CFAP99: variants seen among roughly 807,000 people sequenced by gnomAD.
CFAP99 encodes the protein cilia- and flagella-associated protein 99.
A neutral mutation model predicts 82.7 loss-of-function variants in CFAP99; 84 were observed. The ratio of observed to expected loss-of-function variants is 1.02; its 90% CI spans 0.85 to 1.22. The LOEUF is 1.22. CFAP99 is among the 50% of genes most tolerant of loss of function. CFAP99 has a pLI of 0.00. For missense variants in CFAP99, 1,059 were observed against 983.5 expected (o/e 1.08, Z -1.03); for synonymous variants, 456 against 429.5 (o/e 1.06, Z -0.76).
chr4:2,439,037 G>A (rs947241160), intron 4 of CFAP99, among the ~76,000 whole-genome samples: 4 of 152,190 alleles, frequency 2.6e-5, no homozygotes, highest in African/African-American at 4.8e-5. Flanking sequence ...GGCCACTTGC[G>A]TGGGAAGCTG....
intron 13 of CFAP99, among the ~76,000 whole-genome samples, chr4:2,459,493 G>A (rs1039153861): frequency 1.3e-5 from 2 of 152,238 alleles, no homozygotes; most frequent in South Asian, 2.1e-4. Context: ...TAACTCCTGG[G>A]GGTGGCCAAG....
At chr4:2,449,719 C>G in exon 7 of CFAP99, 1 of 1,536,104 alleles carries the variant, frequency 6.5e-7, no homozygotes, top group Non-Finnish European at 8.7e-7. Flanking sequence ...CAGCTGGAGA[C>G]AGTCAAGAGG....
intron 6 of CFAP99, among the ~76,000 whole-genome samples, chr4:2,445,830 G>T (rs183660659): frequency 5.9e-5 from 9 of 152,290 alleles, no homozygotes; most frequent in Admixed American, 5.2e-4. Context: ...AGTGAAGTAG[G>T]ATAGGCTTCA....
intron 11 of CFAP99, among the ~76,000 whole-genome samples, chr4:2,458,254 C>T (rs757432365): frequency 1.3e-4 from 20 of 152,188 alleles, no homozygotes; most frequent in African/African-American, 3.4e-4. Flanking sequence ...TTCTACACAA[C>T]GTATTACCAA....
chr4:2,458,668 A>G (rs1578483651), intron 11 of CFAP99, 55 bp from the exon 12 acceptor site: 2 of 1,501,322 alleles, frequency 1.3e-6, no homozygotes, highest in Non-Finnish European at 1.8e-6. Context: ...GGGCGGGACC[A>G]GGCAGGGAAG....
intron 1 of CFAP99, among the ~76,000 whole-genome samples, chr4:2,419,314 C>CA (rs1733483956): frequency 6.6e-6 from 1 of 152,112 alleles, no homozygotes; most frequent in Non-Finnish European, 1.5e-5. Context: ...CTACTCCCCC[C>CA]AGTGGTGCCC....
intron 3 of CFAP99, 103 bp downstream of exon 3, chr4:2,437,121 C>T: frequency 4.4e-6 from 6 of 1,377,960 alleles, no homozygotes; most frequent in African/African-American, 1.4e-5. Context: ...GGGGCCAGCT[C>T]CTCCTTCCTG....
rs1734592270 is a variant in CFAP99, at chr4:2,460,320, G to A, written c.1661+78G>A. The A allele has an allele frequency of 6.0e-6, 8 of 1,335,448 alleles. No individual in the cohort carries two copies. In the South Asian group the frequency reaches 6.4e-5, roughly 11 times the overall value. 82.7% of individuals were successfully genotyped at this position (1,335,448 alleles called of 1,614,324 possible). On this transcript the variant is annotated intron_variant, in intron 14 of 14. Coordinates refer to ENST00000635017, the Ensembl canonical transcript of CFAP99. Reference sequence around the variant, plus strand: ...AAGCCTGCCTTGCACCCTCCTGGGTGGGTCTCCTAGAAACAACCACCACCC... The same window carrying A: ...AAGCCTGCCTTGCACCCTCCTGGGTAGGTCTCCTAGAAACAACCACCACCC...
chr4:2,451,327 C>G, exon 10 of CFAP99: 1 of 1,535,852 alleles, frequency 6.5e-7, no homozygotes, highest in Non-Finnish European at 8.7e-7. Flanking sequence ...CTTGTACCAG[C>G]GGCAGGTGGA....
rs546511946 is a variant in CFAP99, at chr4:2,426,877, C to T, written c.111+291C>T. The stretch of plus-strand genomic sequence containing the variant: ...CAGATGAGAAGGGTCAGCCCTGGAG[C>T]GCCCCCATGCCCCACCCCCACTTTG... On this transcript the variant is annotated intron_variant, in intron 2 of 14. Coordinates refer to ENST00000635017, the Ensembl canonical transcript of CFAP99. The T allele has an allele frequency of 2.5e-4, 91 of 360,722 alleles. 1 individual carries two copies. The highest frequency in any genetic ancestry group is 1.6e-3 in the African/African-American group (79 of 48,978). 22.3% of individuals were successfully genotyped at this position (360,722 alleles called of 1,614,324 possible).
intron 2 of CFAP99, among the ~76,000 whole-genome samples, chr4:2,435,298 GAAAA>G (rs397778115): frequency 1.8e-5 from 1 of 55,304 alleles, no homozygotes; most frequent in Non-Finnish European, 4.5e-5. Context: ...CTCCATCTCA[GAAAA>G]AAAAAAAAAA....
Position 2,461,776 on chromosome 4 carries a change from C to T in CFAP99, c.1662-667C>T, listed in dbSNP as rs755819963. Among the ~76,000 whole-genome samples the T allele has an allele frequency of 9.8e-4, 149 of 152,046 alleles. 2 individuals carry two copies. The highest frequency in any genetic ancestry group is 1.9e-4 in the Non-Finnish European group (13 of 68,012). On this transcript the variant is annotated intron_variant, in intron 14 of 14. Coordinates refer to ENST00000635017, the Ensembl canonical transcript of CFAP99. ...ATCCTAAGGCTGTGAGGTCCACTGACGCCAAAGCCAGCAGGGAACAACACA... is the reference window on the plus strand; with the variant it reads ...ATCCTAAGGCTGTGAGGTCCACTGATGCCAAAGCCAGCAGGGAACAACACA...
chr4:2,442,658 C>T (rs950233973), intron 4 of CFAP99, among the ~76,000 whole-genome samples: 1 of 152,186 alleles, frequency 6.6e-6, no homozygotes, highest in African/African-American at 2.4e-5. Flanking sequence ...GCTCCCCATC[C>T]AACTGGCTTT....
chr4:2,457,217 A>C (rs1182585988), intron 11 of CFAP99, among the ~76,000 whole-genome samples: 1 of 152,314 alleles, frequency 6.6e-6, no homozygotes. Context: ...CGCTGGGATT[A>C]CAAGCGTGAG....
chr4:2,446,680 A>G lies in CFAP99; in HGVS notation c.642+1372A>G, dbSNP rs1434988649. On this transcript the variant is annotated intron_variant, in intron 6 of 14. Transcript: ENST00000635017. The surrounding 1 kb of genome is among the most constrained non-coding windows in gnomAD (Gnocchi z 5.0). ...GCTGGGATTACAGGCGTAAGCCACC[A>G]CACCTGGCCATTATTGGTCCCATAT... 6.6e-6 allele frequency among the ~76,000 whole-genome samples: 1 copy of G among 152,150 alleles called. No individual in the cohort carries two copies. Among genetic ancestry groups the G allele is most frequent in the Non-Finnish European group, 1.5e-5 (1 of 68,024 alleles).
intron 2 of CFAP99, chr4:2,427,909 G>A (rs1184465334): frequency 6.6e-6 from 1 of 152,438 alleles, no homozygotes; most frequent in African/African-American, 2.4e-5. Context: ...CCCAGCTTCT[G>A]GAAGAGGCGC....
rs78517668 is a variant in CFAP99 at position 2,444,464 on chromosome 4, G to A, written c.465-667G>A. 1.7e-3 allele frequency among the ~76,000 whole-genome samples: 259 copies of A among 152,324 alleles called. 1 individual carries two copies. The highest frequency in any genetic ancestry group is 5.6e-3 in the African/African-American group (231 of 41,572). On this transcript the variant is annotated intron_variant, in intron 5 of 14. Coordinates refer to ENST00000635017, the Ensembl canonical transcript of CFAP99. ...CCATGGCTCTTAAGGTGAGGGAGGA[G>A]CTATTTGAAGCCATGCCCTCTGCCC... is the stretch of plus-strand genomic sequence containing the variant.
intron 1 of CFAP99, among the ~76,000 whole-genome samples, chr4:2,421,641 G>A (rs966765555): frequency 3.9e-5 from 6 of 152,014 alleles, no homozygotes; most frequent in Admixed American, 2.6e-4. Flanking sequence ...GAGCCACCGC[G>A]CCCAGCCTAG....
intron 11 of CFAP99, 89 bp from the exon 12 acceptor site, chr4:2,458,634 G>A (rs927689289): frequency 1.5e-5 from 22 of 1,451,208 alleles, no homozygotes; most frequent in East Asian, 5.0e-5. Context: ...TCCACCTTCA[G>A]ACCTCATGCT....
Sources: allele counts gnomAD v4.1 joint callset (sites outside exome capture counted in the v4.1 genomes callset), GRCh38; gene constraint gnomAD v4.1.1; non-coding constraint Gnocchi (gnomAD v3.1); transcripts MANE v1.5; gene names NCBI Gene and HGNC (gene_info 2026-07-23, HGNC 2026-07-21).